The following TEX11 variants were observed in gnomAD, a reference collection of about 807,000 sequenced individuals.
TEX11 encodes testis expressed 11, also known as testis-expressed protein 11.
Under a neutral mutation model 84.4 loss-of-function variants are expected in TEX11, and 7 were observed. That is an observed-to-expected ratio of 0.08 (90% CI 0.05 to 0.16). The LOEUF is 0.16. TEX11 is among the 10% of genes least tolerant of loss of function. The pLI is 1.00. For missense variants in TEX11, 551 were observed against 660.5 expected (o/e 0.83, Z 1.82); for synonymous variants, 264 against 222.8 (o/e 1.18, Z -1.64).
chrX:70,738,866 A>C (rs780502439), intron 11 of TEX11, among the ~76,000 whole-genome samples: 1 of 110,804 alleles, frequency 9.0e-6, no homozygotes, highest in Non-Finnish European at 1.9e-5. Flanking sequence ...ACCAAACACC[A>C]CATGTTCTCA....
At chrX:70,649,716 G>A (rs2089790026) in intron 17 of TEX11, among the ~76,000 whole-genome samples, 1 of 111,555 alleles carries the variant, frequency 9.0e-6, no homozygotes, top group Admixed American at 9.6e-5. Flanking sequence ...GGAGATTGCA[G>A]TGAGCTGAGA....
chrX:70,651,606 C>T, intron 16 of TEX11, 54 bp from the exon 17 acceptor site: 1 of 928,159 alleles, frequency 1.1e-6, no homozygotes, highest in Non-Finnish European at 1.5e-6. Flanking sequence ...AAGGACTTAC[C>T]ATATTTTACT....
chrX:70,529,253 C>A, intron 29 of TEX11, 66 bp from the exon 30 acceptor site: 1 of 836,542 alleles, frequency 1.2e-6, no homozygotes, highest in Non-Finnish European at 1.8e-6. Flanking sequence ...CTTCCCAGAC[C>A]CACGGTGATG....
At chrX:70,786,939 A>G (rs1382375761) in intron 9 of TEX11, among the ~76,000 whole-genome samples, 1 of 111,156 alleles carries the variant, frequency 9.0e-6, no homozygotes, top group Non-Finnish European at 1.9e-5. Context: ...GTTCGAAACC[A>G]GCCTGACCAA....
intron 13 of TEX11, among the ~76,000 whole-genome samples, chrX:70,693,645 G>A (rs2090255673): frequency 9.0e-6 from 1 of 111,651 alleles, no homozygotes; most frequent in Non-Finnish European, 1.9e-5. Context: ...GAAGATTTTA[G>A]TTAAAGGGTA....
At chrX:70,864,112 T>C (rs1326076091) in intron 4 of TEX11, among the ~76,000 whole-genome samples, 1 of 111,348 alleles carries the variant, frequency 9.0e-6, no homozygotes, top group Non-Finnish European at 1.9e-5. Context: ...GATTGATTGG[T>C]GTACCTGAAA....
At chrX:70,757,482 G>A (rs1354415793) in intron 9 of TEX11, among the ~76,000 whole-genome samples, 1 of 111,815 alleles carries the variant, frequency 8.9e-6, no homozygotes, top group Non-Finnish European at 1.9e-5. Flanking sequence ...TTTTTAAAGA[G>A]AAGAATTTTC....
In TEX11 at chrX:70,626,546, C is replaced by T. The variant is rs72628872; in HGVS notation, c.1609-1622G>A. 2.9e-4 allele frequency among the ~76,000 whole-genome samples: 32 copies of T among 111,115 alleles called. No individual in the cohort carries two copies. In the East Asian group the frequency reaches 5.7e-3, roughly 20 times the overall value. The stretch of plus-strand genomic sequence containing the variant: ...GTCCCTCATCCCCTTGATGTTCTAC[C>T]GCATACCCAGTTTAAATTCCATGGA... On this transcript the variant is annotated intron_variant, in intron 18 of 29. Transcript: ENST00000374333.
At position 70,853,562 on chromosome X, in the gene TEX11, C is replaced by T. The variant is rs190997411; in HGVS notation, c.325-234G>A. Reference sequence around the variant, plus strand: ...TAGCAAAAATTAATAGACTTAAAAACACATCTTCTGAGGAAATATTAAAAG... The same window carrying T: ...TAGCAAAAATTAATAGACTTAAAAATACATCTTCTGAGGAAATATTAAAAG... On this transcript the variant is annotated intron_variant, in intron 5 of 29. Coordinates refer to ENST00000374333, the MANE Select transcript of TEX11 (RefSeq NM_031276.3). 2.2e-3 allele frequency among the ~76,000 whole-genome samples: 251 copies of T among 112,086 alleles called. 3 individuals carry two copies. The highest frequency in any genetic ancestry group is 7.5e-3 in the African/African-American group (232 of 30,904).
At chrX:70,605,281 A>G in intron 24 of TEX11, 120 bp downstream of exon 24, 1 of 437,488 alleles carries the variant, frequency 2.3e-6, no homozygotes, top group Non-Finnish European at 3.9e-6. Flanking sequence ...TGAAATCAAG[A>G]CGATGCTGGA....
At chrX:70,892,299 C>T (rs1036388766) in intron 2 of TEX11, among the ~76,000 whole-genome samples, 1 of 111,769 alleles carries the variant, frequency 8.9e-6, no homozygotes, top group African/African-American at 3.2e-5. Context: ...CAAAAACACA[C>T]CAAAATATAA....
At chrX:70,572,596 C>A (rs1419035525) in intron 25 of TEX11, among the ~76,000 whole-genome samples, 1 of 110,345 alleles carries the variant, frequency 9.1e-6, no homozygotes, top group Non-Finnish European at 1.9e-5. Flanking sequence ...GACTTGGAAC[C>A]AAGCCAAATG....
At chrX:70,609,378 T>G (rs1300955154) in intron 21 of TEX11, among the ~76,000 whole-genome samples, 1 of 112,529 alleles carries the variant, frequency 8.9e-6, no homozygotes, top group Non-Finnish European at 1.9e-5. Context: ...ACTCAAACTC[T>G]GGGGAACAAA....
intron 22 of TEX11, 46 bp from the exon 23 acceptor site, chrX:70,607,075 T>G (rs771137423): frequency 4.8e-5 from 48 of 1,002,925 alleles, no homozygotes; most frequent in Non-Finnish European, 6.6e-5. Flanking sequence ...ATTATGAAAA[T>G]CTACCATTTA....
intron 17 of TEX11, among the ~76,000 whole-genome samples, chrX:70,647,081 G>GA (rs2089750755): frequency 9.0e-6 from 1 of 110,864 alleles, no homozygotes; most frequent in South Asian, 3.8e-4. Flanking sequence ...TGTCATTTAT[G>GA]AAAAAAAGGT....
intron 24 of TEX11, among the ~76,000 whole-genome samples, chrX:70,602,013 G>A (rs948778936): frequency 6.3e-5 from 7 of 110,536 alleles, no homozygotes; most frequent in South Asian, 3.9e-4. Flanking sequence ...CCACAAAACC[G>A]CCATTGTCAT....
chrX:70,782,737 C>A (rs907740918), intron 9 of TEX11, among the ~76,000 whole-genome samples: 18 of 106,174 alleles, frequency 1.7e-4, no homozygotes, highest in Non-Finnish European at 2.9e-4. Flanking sequence ...ACAAAGAAGG[C>A]CATTACATAA....
chrX:70,760,118 C>T (rs1036512120), intron 9 of TEX11, among the ~76,000 whole-genome samples: 3 of 111,466 alleles, frequency 2.7e-5, no homozygotes, highest in African/African-American at 9.8e-5. Flanking sequence ...TAAAAGAGGA[C>T]ACAAACAAAT....
chrX:70,899,993 C>T (rs769066208), intron 2 of TEX11, among the ~76,000 whole-genome samples: 5 of 102,207 alleles, frequency 4.9e-5, no homozygotes, highest in African/African-American at 1.8e-4. Context: ...TGGTGAAACC[C>T]GGTCTCTACT....
Sources: allele counts gnomAD v4.1 joint callset (sites outside exome capture counted in the v4.1 genomes callset), GRCh38; gene constraint gnomAD v4.1.1; transcripts MANE v1.5; gene names NCBI Gene and HGNC (gene_info 2026-07-23, HGNC 2026-07-21).